The following IL1RAPL2 variants were observed in gnomAD, a reference collection of about 807,000 sequenced individuals.
The protein encoded by IL1RAPL2 is interleukin 1 receptor accessory protein like 2, also known as X-linked interleukin-1 receptor accessory protein-like 2.
In IL1RAPL2, 3 loss-of-function variants were observed where a neutral mutation model predicts 44.1. That is an observed-to-expected ratio of 0.07 (90% CI 0.03 to 0.18). The LOEUF (loss-of-function observed/expected upper bound fraction) is 0.18, where lower values mean the gene tolerates loss of function less well. IL1RAPL2 is among the 10% of genes least tolerant of loss of function. The pLI is 1.00. For missense variants in IL1RAPL2, 391 were observed against 496.4 expected (o/e 0.79, Z 2.02); for synonymous variants, 181 against 178.8 (o/e 1.01, Z -0.10).
chrX:105,148,275 T>G (rs1169783523), intron 2 of IL1RAPL2, among the ~76,000 whole-genome samples: 1 of 111,515 alleles, frequency 9.0e-6, no homozygotes, highest in African/African-American at 3.3e-5. Flanking sequence ...ATATTCTATA[T>G]TCTCAGGAGC....
chrX:104,657,118 G>C (rs1186764089), intron 1 of IL1RAPL2, among the ~76,000 whole-genome samples: 2 of 111,133 alleles, frequency 1.8e-5, no homozygotes, highest in Non-Finnish European at 3.8e-5. Context: ...GATTGGTCTT[G>C]ACTCTTTATC....
At chrX:104,677,705 G>A (rs923465973) in intron 2 of IL1RAPL2, among the ~76,000 whole-genome samples, 5 of 112,026 alleles carry the variant, frequency 4.5e-5, no homozygotes, top group African/African-American at 9.7e-5. Context: ...CCTCGCTGCC[G>A]CCTTGCAGTT....
chrX:105,075,044 G>A (rs1353202895), intron 2 of IL1RAPL2, among the ~76,000 whole-genome samples: 1 of 111,025 alleles, frequency 9.0e-6, no homozygotes, highest in Non-Finnish European at 1.9e-5. Flanking sequence ...TCCTTCTCCT[G>A]CCTGATTGCC....
At chrX:105,241,812 CCTAT>C (rs1332755501) in intron 4 of IL1RAPL2, among the ~76,000 whole-genome samples, 1 of 111,772 alleles carries the variant, frequency 8.9e-6, no homozygotes, top group Non-Finnish European at 1.9e-5. Flanking sequence ...TCAGCTTTAT[CCTAT>C]CTAACCTAAA....
At chrX:104,932,448 T>C (rs1924930689) in intron 2 of IL1RAPL2, among the ~76,000 whole-genome samples, 1 of 111,642 alleles carries the variant, frequency 9.0e-6, no homozygotes, top group South Asian at 3.8e-4. Flanking sequence ...ATCTTTCAAG[T>C]TCATTATTTG....
chrX:104,946,336 G>T (rs1380469369), intron 2 of IL1RAPL2, among the ~76,000 whole-genome samples: 1 of 74,048 alleles, frequency 1.4e-5, no homozygotes, highest in Non-Finnish European at 2.3e-5. Flanking sequence ...TTGCGCCACT[G>T]CAGTCCGCAG....
intron 2 of IL1RAPL2, among the ~76,000 whole-genome samples, chrX:105,171,170 G>A (rs1049345213): frequency 9.0e-6 from 1 of 111,614 alleles, no homozygotes; most frequent in African/African-American, 3.3e-5. Flanking sequence ...CACCATTTTG[G>A]TCTCAAAATT....
At chrX:105,764,344 C>T (rs1265644812) in intron 10 of IL1RAPL2, among the ~76,000 whole-genome samples, 2 of 111,730 alleles carry the variant, frequency 1.8e-5, no homozygotes, top group Non-Finnish European at 3.8e-5. Flanking sequence ...GAGAACCATA[C>T]TTATGGAGGG....
intron 2 of IL1RAPL2, among the ~76,000 whole-genome samples, chrX:104,671,751 G>T (rs771240064): frequency 8.9e-6 from 1 of 111,798 alleles, no homozygotes; most frequent in Non-Finnish European, 1.9e-5. Flanking sequence ...TGGCACCCTA[G>T]CAGTCTTTAG....
At chrX:105,503,239 G>A (rs1048135991) in intron 6 of IL1RAPL2, among the ~76,000 whole-genome samples, 1 of 111,214 alleles carries the variant, frequency 9.0e-6, no homozygotes, top group African/African-American at 3.3e-5. Context: ...AAGCCCATAA[G>A]TCAAAGCAAT....
At chrX:104,797,707 C>A (rs1221960407) in intron 2 of IL1RAPL2, among the ~76,000 whole-genome samples, 2 of 112,088 alleles carry the variant, frequency 1.8e-5, no homozygotes, top group Non-Finnish European at 3.8e-5. Flanking sequence ...CTATGCCAGA[C>A]AACAAAGCCT....
intron 1 of IL1RAPL2, among the ~76,000 whole-genome samples, chrX:104,640,067 A>G (rs931169011): frequency 9.0e-6 from 1 of 111,485 alleles, no homozygotes; most frequent in Non-Finnish European, 1.9e-5. Context: ...ATTTTGTTAC[A>G]TAGGTTTTCT....
chrX:105,259,192 A>G (rs2034338186), intron 4 of IL1RAPL2, among the ~76,000 whole-genome samples: 1 of 111,533 alleles, frequency 9.0e-6, no homozygotes, highest in Non-Finnish European at 1.9e-5. Context: ...GGGGTATGTT[A>G]ATGAAGTATT....
chrX:104,723,397 A>T (rs1330698130), intron 2 of IL1RAPL2, among the ~76,000 whole-genome samples: 1 of 110,983 alleles, frequency 9.0e-6, no homozygotes, highest in Non-Finnish European at 1.9e-5. Context: ...AAAATGTAAC[A>T]CCTCAGGATG....
At chrX:104,585,361 TTA>T (rs1261853011) in intron 1 of IL1RAPL2, among the ~76,000 whole-genome samples, 12 of 16,564 alleles carry the variant, frequency 7.2e-4, no homozygotes, top group African/African-American at 4.5e-3. Context: ...ATTATATATA[TTA>T]TATATATTAT....
chrX:105,622,792 A>G (rs937565211), intron 6 of IL1RAPL2, among the ~76,000 whole-genome samples: 2 of 111,467 alleles, frequency 1.8e-5, no homozygotes, highest in African/African-American at 6.5e-5. Context: ...CATATTGGGT[A>G]AATCTAATCC....
At chrX:105,281,070 A>G (rs1488285940) in intron 5 of IL1RAPL2, among the ~76,000 whole-genome samples, 2 of 112,181 alleles carry the variant, frequency 1.8e-5, no homozygotes, top group African/African-American at 3.2e-5. Context: ...TGGCACATGT[A>G]CACCATGGAA....
chrX:104,787,758 C>G (rs1932806248), intron 2 of IL1RAPL2, among the ~76,000 whole-genome samples: 1 of 111,356 alleles, frequency 9.0e-6, no homozygotes, highest in Non-Finnish European at 1.9e-5. Flanking sequence ...AGAGAGCTTT[C>G]AAAATTGCAG....
intron 2 of IL1RAPL2, among the ~76,000 whole-genome samples, chrX:104,795,485 C>G (rs756552657): frequency 1.2e-4 from 13 of 109,242 alleles, no homozygotes; most frequent in Non-Finnish European, 2.3e-4. Flanking sequence ...AAATCTCAAG[C>G]TATTTTTATG....
Sources: allele counts gnomAD v4.1 joint callset (sites outside exome capture counted in the v4.1 genomes callset), GRCh38; gene constraint gnomAD v4.1.1; transcripts MANE v1.5; gene names NCBI Gene and HGNC (gene_info 2026-07-23, HGNC 2026-07-21).